The following RETREG1 variants were observed in gnomAD, a reference collection of about 807,000 sequenced individuals.
RETREG1 encodes family with sequence similarity 134 member B.
Under a neutral mutation model 54.8 loss-of-function variants are expected in RETREG1, and 44 were observed. That is an observed-to-expected ratio of 0.80 (90% CI 0.63 to 1.03). RETREG1 has a LOEUF of 1.03. Among genes scored for constraint, RETREG1 ranks in the 50% least tolerant of loss-of-function variants. The pLI is 0.00. For synonymous variants in RETREG1, 217 were observed against 238.5 expected (o/e 0.91, Z 0.83); for missense variants, 554 against 605.1 (o/e 0.92, Z 0.89).
intron 3 of RETREG1, among the ~76,000 whole-genome samples, chr5:16,511,648 C>A (rs1342478440): frequency 1.3e-5 from 2 of 151,986 alleles, no homozygotes; most frequent in African/African-American, 4.8e-5. Flanking sequence ...TAGTCCAGCC[C>A]CGTATTACTA....
chr5:16,603,200 G>A (rs899579436), intron 1 of RETREG1, among the ~76,000 whole-genome samples: 2 of 152,142 alleles, frequency 1.3e-5, no homozygotes, highest in African/African-American at 4.8e-5. Flanking sequence ...GTGTGTGTGA[G>A]GGAGAGACTG....
chr5:16,550,882 A>T (rs1741516982), intron 3 of RETREG1, among the ~76,000 whole-genome samples: 1 of 152,188 alleles, frequency 6.6e-6, no homozygotes. Context: ...ATTTATATGA[A>T]ATATCCAGAA....
intron 1 of RETREG1, among the ~76,000 whole-genome samples, chr5:16,574,685 C>T (rs1742276205): frequency 6.6e-6 from 1 of 152,176 alleles, no homozygotes; most frequent in African/African-American, 2.4e-5. Context: ...TGTAGATTCC[C>T]AGGCCCCAGG....
chr5:16,572,435 A>G (rs1055442150), intron 1 of RETREG1, among the ~76,000 whole-genome samples: 1 of 151,702 alleles, frequency 6.6e-6, no homozygotes, highest in Non-Finnish European at 1.5e-5. Context: ...CTCATCACGA[A>G]CTCCTGTCCT....
chr5:16,546,389 G>A (rs1741389324), intron 3 of RETREG1, among the ~76,000 whole-genome samples: 1 of 152,122 alleles, frequency 6.6e-6, no homozygotes, highest in Non-Finnish European at 1.5e-5. Context: ...GCTGGTCTGG[G>A]ACTCCTGGCC....
At chr5:16,494,847 T>G (rs1739392892) in intron 3 of RETREG1, among the ~76,000 whole-genome samples, 2 of 151,942 alleles carry the variant, frequency 1.3e-5, no homozygotes, top group Admixed American at 1.3e-4. Flanking sequence ...TAGGCAGAAG[T>G]TGGAAGAGTT....
chr5:16,574,328 T>C (rs1042950639), intron 1 of RETREG1, among the ~76,000 whole-genome samples: 1 of 152,064 alleles, frequency 6.6e-6, no homozygotes, highest in South Asian at 2.1e-4. Context: ...CTACAAACAA[T>C]AGAGAGAAAG....
chr5:16,553,891 G>T (rs1325532933), intron 3 of RETREG1, among the ~76,000 whole-genome samples: 1 of 152,170 alleles, frequency 6.6e-6, no homozygotes, highest in African/African-American at 2.4e-5. Context: ...AGAACCCAGG[G>T]ATAGGTTGTT....
chr5:16,536,830 G>C (rs1049402042), intron 3 of RETREG1, among the ~76,000 whole-genome samples: 1 of 152,208 alleles, frequency 6.6e-6, no homozygotes, highest in Non-Finnish European at 1.5e-5. Context: ...CAGATTAAAA[G>C]GATGTTTTTC....
intron 1 of RETREG1, among the ~76,000 whole-genome samples, chr5:16,579,622 C>T (rs1225430425): frequency 2.0e-5 from 3 of 152,178 alleles, no homozygotes; most frequent in Non-Finnish European, 2.9e-5. Flanking sequence ...ATCCCTGTCT[C>T]GCCCAAGCTC....
chr5:16,528,650 GA>G (rs1225008383), intron 3 of RETREG1, among the ~76,000 whole-genome samples: 3 of 152,202 alleles, frequency 2.0e-5, no homozygotes, highest in Non-Finnish European at 2.9e-5. Context: ...TGCAAGAAGG[GA>G]CAAGGTAAAG....
chr5:16,610,893 A>T (rs1743322866), intron 1 of RETREG1, among the ~76,000 whole-genome samples: 1 of 152,184 alleles, frequency 6.6e-6, no homozygotes, highest in Non-Finnish European at 1.5e-5. Context: ...TGACCCAGCC[A>T]TCCCATTACT....
At position 16,597,935 on chromosome 5, in the gene RETREG1, A is replaced by T. The variant is rs1441916192; in HGVS notation, c.320+18717T>A. ...GACTTCCTTGCCCCAGGGGTAAGGA[A>T]CTACACTGGAGGGAACTGGGCAGCC... On this transcript the variant is annotated intron_variant, in intron 1 of 8. Coordinates refer to ENST00000306320, the MANE Select transcript of RETREG1 (RefSeq NM_001034850.3). The surrounding 1 kb of genome is among the most constrained non-coding windows in gnomAD (Gnocchi z 4.3). 1.3e-5 allele frequency among the ~76,000 whole-genome samples: 2 copies of T among 151,820 alleles called. No individual in the cohort carries two copies.
intron 8 of RETREG1, among the ~76,000 whole-genome samples, chr5:16,475,638 A>G (rs1738506713): frequency 1.3e-5 from 2 of 152,214 alleles, no homozygotes; most frequent in Admixed American, 1.3e-4. Context: ...TTAAAATACT[A>G]TAATAAGTTT....
At chr5:16,560,562 C>G (rs1220034382) in intron 3 of RETREG1, among the ~76,000 whole-genome samples, 2 of 152,178 alleles carry the variant, frequency 1.3e-5, no homozygotes, top group African/African-American at 4.8e-5. Context: ...TTCTGACTAA[C>G]CTGAGAATCT....
chr5:16,598,252 C>A (rs184340044), intron 1 of RETREG1, among the ~76,000 whole-genome samples: 31 of 152,306 alleles, frequency 2.0e-4, no homozygotes, highest in Admixed American at 1.0e-3. Context: ...CTAGGTCTTT[C>A]CAGACTACAA....
chr5:16,585,700 T>C lies in RETREG1; in HGVS notation c.321-13598A>G, dbSNP rs1296286622. 1.3e-5 allele frequency among the ~76,000 whole-genome samples: 2 copies of C among 152,204 alleles called. No homozygotes were observed. Among genetic ancestry groups the C allele is most frequent in the Non-Finnish European group, 2.9e-5 (2 of 68,042 alleles). On this transcript the variant is annotated intron_variant, in intron 1 of 8. Coordinates refer to ENST00000306320, the MANE Select transcript of RETREG1 (RefSeq NM_001034850.3). This position sits in a 1 kb window ranked among gnomAD's most constrained non-coding sequence, Gnocchi z 4.5. ...AAGAGATTTAACTGGCTCTTGGTTC[T>C]GCAGGCTGTACAGGAAGCATGGGGT...
chr5:16,477,088 C>T (rs1385700710), intron 8 of RETREG1, among the ~76,000 whole-genome samples: 1 of 152,020 alleles, frequency 6.6e-6, no homozygotes, highest in Non-Finnish European at 1.5e-5. Context: ...TCGCTTGGGA[C>T]ATTTCAAAGA....
intron 3 of RETREG1, among the ~76,000 whole-genome samples, chr5:16,500,233 T>C (rs902338602): frequency 5.3e-5 from 8 of 152,222 alleles, no homozygotes; most frequent in African/African-American, 1.9e-4. Flanking sequence ...TTGCCCAACT[T>C]CTGCCTCAGG....
Sources: gnomAD v4.1 joint callset for allele counts (sites outside exome capture counted in the v4.1 genomes callset) on GRCh38, gnomAD v4.1.1 for gene constraint, Gnocchi (gnomAD v3.1) non-coding constraint, MANE v1.5 for transcripts, NCBI Gene and HGNC (gene_info 2026-07-23, HGNC 2026-07-21) for gene names.